AHCYL2: variants seen among roughly 807,000 people sequenced by gnomAD.
AHCYL2 encodes the protein S-adenosylhomocysteine hydrolase-like protein 2.
A neutral mutation model predicts 81.4 loss-of-function variants in AHCYL2; 28 were observed. That is an observed-to-expected ratio of 0.34 (90% CI 0.25 to 0.47). AHCYL2 has a LOEUF of 0.47. Ranked by LOEUF, AHCYL2 falls within the 20% of genes least tolerant of loss-of-function variation. The probability of loss-of-function intolerance (pLI) is 1.00; values close to 1 mark genes in which losing one functional copy is unlikely to be tolerated. For missense variants in AHCYL2, 551 were observed against 785.1 expected, an observed-to-expected ratio of 0.70 and a Z score of 3.56; for synonymous variants, 272 against 290.2, an observed-to-expected ratio of 0.94 and a Z score of 0.64.
rs1796303532 is a variant in AHCYL2 at position 129,406,286 on chromosome 7, G to A, written c.1207-92G>A. 2.8e-6 allele frequency: 3 copies of A among 1,062,116 alleles called. No individual in the cohort carries two copies. Among genetic ancestry groups the A allele is most frequent in the Non-Finnish European group, 4.3e-6 (3 of 695,914 alleles). 65.8% of individuals were successfully genotyped at this position (1,062,116 alleles called of 1,614,324 possible). Reference sequence around the variant, plus strand: ...ATCTATTCAGTGAAATTCCTCTCGGGGGTGGAAAGAGGGGGTGCACTTTAC... The same window carrying A: ...ATCTATTCAGTGAAATTCCTCTCGGAGGTGGAAAGAGGGGGTGCACTTTAC... On this transcript the variant is annotated intron_variant, in intron 9 of 16. Coordinates refer to ENST00000325006, the MANE Select transcript of AHCYL2 (RefSeq NM_015328.4). The surrounding 1 kb of genome is among the most constrained non-coding windows in gnomAD (Gnocchi z 4.3).
At chr7:129,248,319 G>A (rs746923484) in intron 1 of AHCYL2, among the ~76,000 whole-genome samples, 6 of 152,072 alleles carry the variant, frequency 3.9e-5, no homozygotes, top group Non-Finnish European at 7.4e-5. Flanking sequence ...TAAAAATCCT[G>A]GGATGCTCGA....
rs1005746015 is a variant in AHCYL2 at position 129,424,499 on chromosome 7, A to G, written c.1561-375A>G. Among the ~76,000 whole-genome samples the G allele has an allele frequency of 1.5e-4, 23 of 152,270 alleles. 1 individual carries two copies. The Middle Eastern group carries it at 0.014, about 90-fold the overall frequency. On this transcript the variant is annotated intron_variant, in intron 13 of 16. Transcript: ENST00000325006. ...GAGAGATTGTCCCTGGATTTGACTG[A>G]TCATTGTTTATTTCAAGACAGTCTT...
intron 1 of AHCYL2, among the ~76,000 whole-genome samples, chr7:129,290,947 CA>C (rs1472029357): frequency 6.6e-6 from 1 of 150,514 alleles, no homozygotes. Flanking sequence ...AAAAACAAAA[CA>C]AAACAGTTAA....
At chr7:129,375,296 T>C (rs1656573424) in intron 1 of AHCYL2, among the ~76,000 whole-genome samples, 1 of 151,966 alleles carries the variant, frequency 6.6e-6, no homozygotes, top group South Asian at 2.1e-4. Context: ...ACACAGAGTG[T>C]AGGGTAGGGC....
chr7:129,263,421 A>G (rs768844220), intron 1 of AHCYL2, among the ~76,000 whole-genome samples: 3 of 152,226 alleles, frequency 2.0e-5, no homozygotes, highest in Non-Finnish European at 2.9e-5. Flanking sequence ...CCAGTTGTCT[A>G]ATTCTCCACC....
chr7:129,427,219 G>A lies in AHCYL2; in HGVS notation c.*174G>A. ...TCAAGAATCCTGTGCCTGTAGTGTTGGCCCAGAGTGTGGTTACTGCCCTGA... is the reference window on the plus strand; with the variant it reads ...TCAAGAATCCTGTGCCTGTAGTGTTAGCCCAGAGTGTGGTTACTGCCCTGA... On this transcript the variant is annotated 3_prime_UTR_variant, in exon 17 of 17. Coordinates refer to ENST00000325006, the MANE Select transcript of AHCYL2 (RefSeq NM_015328.4). The surrounding 1 kb of genome is among the most constrained non-coding windows in gnomAD (Gnocchi z 5.5). 1.5e-6 allele frequency: 1 copy of A among 650,148 alleles called. No individual in the cohort carries two copies. Among genetic ancestry groups the A allele is most frequent in the Non-Finnish European group, 2.5e-6 (1 of 394,866 alleles). The allele number at this position is 650,148 out of a possible 1,614,324, so 40.3% of individuals were successfully genotyped here. A position where few individuals can be genotyped will look rare whatever the true frequency, so the allele number is the denominator to read the frequency against.
At chr7:129,298,921 C>T (rs186566773) in intron 1 of AHCYL2, among the ~76,000 whole-genome samples, 1 of 152,118 alleles carries the variant, frequency 6.6e-6, no homozygotes, top group Admixed American at 6.5e-5. Context: ...TGTAAAGGCT[C>T]AGATGGTAAG....
At chr7:129,361,420 T>C (rs1045975274) in intron 1 of AHCYL2, among the ~76,000 whole-genome samples, 1 of 152,208 alleles carries the variant, frequency 6.6e-6, no homozygotes, top group Non-Finnish European at 1.5e-5. Flanking sequence ...TATATACTTA[T>C]TTAATTGCCT....
intron 1 of AHCYL2, among the ~76,000 whole-genome samples, chr7:129,272,124 G>A (rs1474937198): frequency 6.6e-6 from 1 of 152,154 alleles, no homozygotes; most frequent in Non-Finnish European, 1.5e-5. Flanking sequence ...TTTAGTCTTG[G>A]AACCTAGCTG....
At chr7:129,374,102 A>G (rs1214056037) in intron 1 of AHCYL2, among the ~76,000 whole-genome samples, 1 of 152,208 alleles carries the variant, frequency 6.6e-6, no homozygotes, top group African/African-American at 2.4e-5. Context: ...CTGATACGAA[A>G]ATGAATTTAA....
chr7:129,288,978 TACCGTGTTGCCCAGGCTGGTCCTGA>T (rs897247752), intron 1 of AHCYL2, among the ~76,000 whole-genome samples: 3 of 151,680 alleles, frequency 2.0e-5, no homozygotes, highest in African/African-American at 4.8e-5. Context: ...GATAGAGTTT[TACCGTGTTGCCCAGGCTGGTCCTGA>T]ACTCCTGGGC....
chr7:129,231,418 T>C (rs1563159208), intron 1 of AHCYL2, among the ~76,000 whole-genome samples: 2 of 152,218 alleles, frequency 1.3e-5, no homozygotes, highest in African/African-American at 4.8e-5. Flanking sequence ...TATCATTTCC[T>C]TGGAAGTGAT....
chr7:129,417,987 A>G (rs1037510099), intron 12 of AHCYL2, among the ~76,000 whole-genome samples: 5 of 152,204 alleles, frequency 3.3e-5, no homozygotes, highest in Non-Finnish European at 7.3e-5. Flanking sequence ...CTTTGAGGAG[A>G]TAACACTTTA....
chr7:129,294,465 A>C (rs887404843), intron 1 of AHCYL2, among the ~76,000 whole-genome samples: 4 of 152,210 alleles, frequency 2.6e-5, no homozygotes, highest in Non-Finnish European at 5.9e-5. Context: ...TTGATGTATT[A>C]ACTCATTTAA....
chr7:129,349,218 G>A (rs1793465550), intron 1 of AHCYL2, among the ~76,000 whole-genome samples: 1 of 151,972 alleles, frequency 6.6e-6, no homozygotes, highest in Non-Finnish European at 1.5e-5. Flanking sequence ...CTCTGTATGG[G>A]CTTTAAAAAT....
chr7:129,259,262 C>G (rs935417963), intron 1 of AHCYL2, among the ~76,000 whole-genome samples: 2 of 152,172 alleles, frequency 1.3e-5, no homozygotes, highest in Non-Finnish European at 1.5e-5. Context: ...TATGGTGGAA[C>G]AAGTGGTGCC....
chr7:129,279,331 A>G (rs541362263), intron 1 of AHCYL2, among the ~76,000 whole-genome samples: 23 of 151,792 alleles, frequency 1.5e-4, no homozygotes, highest in Admixed American at 3.9e-4. Flanking sequence ...TGTATTTTTA[A>G]TAGAGATGAG....
rs538225734 is a variant in AHCYL2 at position 129,277,929 on chromosome 7, C to T, written c.363+52490C>T. Among the ~76,000 whole-genome samples the T allele has an allele frequency of 5.9e-5, 9 of 152,218 alleles. No homozygotes were observed. In the East Asian group the frequency reaches 7.7e-4, roughly 13 times the overall value. On this transcript the variant is annotated intron_variant, in intron 1 of 16. Transcript: ENST00000325006. ...TTATTAGAGATATGTTTTTGTTCCT[C>T]GTTGTTAAATATCTGGAAGTGTGAT... is the stretch of plus-strand genomic sequence containing the variant.
chr7:129,365,126 C>T (rs1794061122), intron 1 of AHCYL2, among the ~76,000 whole-genome samples: 1 of 152,124 alleles, frequency 6.6e-6, no homozygotes, highest in Admixed American at 6.5e-5. Context: ...CAAGGGGTAG[C>T]ACACATACAT....
Sources: gnomAD v4.1 joint callset for allele counts (sites outside exome capture counted in the v4.1 genomes callset) on GRCh38, gnomAD v4.1.1 for gene constraint, Gnocchi (gnomAD v3.1) non-coding constraint, MANE v1.5 for transcripts, NCBI Gene and HGNC (gene_info 2026-07-23, HGNC 2026-07-21) for gene names.